MECOM: variants seen among roughly 807,000 people sequenced by gnomAD.
MECOM encodes the protein histone-lysine N-methyltransferase MECOM.
A neutral mutation model predicts 116.3 loss-of-function variants in MECOM; 13 were observed. The observed-to-expected ratio is 0.11, with a 90% CI of 0.07 to 0.18. The LOEUF (loss-of-function observed/expected upper bound fraction) is 0.18, where lower values mean the gene tolerates loss of function less well. MECOM is among the 10% of genes least tolerant of loss of function. MECOM has a pLI of 1.00. For missense variants in MECOM, 1,299 were observed against 1,509.0 expected, an observed-to-expected ratio of 0.86 and a Z score of 2.31; for synonymous variants, 528 against 535.2, an observed-to-expected ratio of 0.99 and a Z score of 0.19.
intron 1 of MECOM, among the ~76,000 whole-genome samples, chr3:169,483,336 G>A (rs1751662650): frequency 6.7e-6 from 1 of 149,102 alleles, no homozygotes; most frequent in African/African-American, 2.5e-5. Flanking sequence ...ATTGAGAAAA[G>A]CAACAGATAC....
intron 1 of MECOM, among the ~76,000 whole-genome samples, chr3:169,501,460 T>C (rs1207632068): frequency 6.6e-6 from 1 of 152,000 alleles, no homozygotes; most frequent in Non-Finnish European, 1.5e-5. Context: ...TCTTTATCAA[T>C]TAAAAACAAA....
In MECOM at chr3:169,333,895, T is replaced by TCCTC. The variant is rs1185717730; in HGVS notation, c.375+47288_375+47291dup. Among the ~76,000 whole-genome samples, 7 of 148,174 alleles carry TCCTC rather than the reference T, an allele frequency of 4.7e-5. No individual in the cohort carries two copies. In the South Asian group the frequency reaches 1.1e-3, roughly 24 times the overall value. On this transcript the variant is annotated intron_variant, in intron 2 of 16. Transcript: ENST00000651503. The stretch of plus-strand genomic sequence containing the variant: ...TTCCTTCTCTCCTTCCTTCCTTCCT[T>TCCTC]CCTCCCTCCCTCCCTCCCTTCCTTC...
chr3:169,285,187 G>A lies in MECOM; in HGVS notation c.375+96000C>T, dbSNP rs143390693. 2.8e-3 allele frequency among the ~76,000 whole-genome samples: 421 copies of A among 152,308 alleles called. 1 individual carries two copies. Among genetic ancestry groups the A allele is most frequent in the African/African-American group, 9.5e-3 (395 of 41,552 alleles). ...GGAGGCTTCTGGGCCATTATGAAAA[G>A]TGTTTGTAGAGCCGTGTCTGTGCCA... is the stretch of plus-strand genomic sequence containing the variant. On this transcript the variant is annotated intron_variant, in intron 2 of 16. Coordinates refer to ENST00000651503, the MANE Select transcript of MECOM (RefSeq NM_004991.4).
At chr3:169,118,865 G>C (rs1577019930) in intron 7 of MECOM, among the ~76,000 whole-genome samples, 1 of 152,194 alleles carries the variant, frequency 6.6e-6, no homozygotes, top group East Asian at 1.9e-4. Context: ...TTCTTAGGCA[G>C]AGGCTTTGTT....
chr3:169,381,630 G>T, intron 1 of MECOM, 106 bp from the exon 2 acceptor site: 2 of 853,070 alleles, frequency 2.3e-6, no homozygotes, highest in Non-Finnish European at 3.5e-6. Flanking sequence ...AAACAGGAAA[G>T]ACCATTGTTA....
intron 1 of MECOM, among the ~76,000 whole-genome samples, chr3:169,522,410 C>T (rs1277744765): frequency 6.6e-6 from 1 of 152,106 alleles, no homozygotes; most frequent in African/African-American, 2.4e-5. Flanking sequence ...TAATATGAAT[C>T]CTCAGTCTAT....
intron 2 of MECOM, among the ~76,000 whole-genome samples, chr3:169,366,767 T>C (rs1729233565): frequency 6.6e-6 from 1 of 152,114 alleles, no homozygotes; most frequent in East Asian, 1.9e-4. Context: ...TGCCATGCCA[T>C]GCACACCTGG....
At chr3:169,134,236 C>T (rs1735685986) in intron 3 of MECOM, among the ~76,000 whole-genome samples, 1 of 152,162 alleles carries the variant, frequency 6.6e-6, no homozygotes, top group South Asian at 2.1e-4. Flanking sequence ...TTGATGGATA[C>T]ACTGTAACTA....
chr3:169,208,799 T>C (rs1036241752), intron 2 of MECOM, among the ~76,000 whole-genome samples: 11 of 151,280 alleles, frequency 7.3e-5, no homozygotes, highest in African/African-American at 2.2e-4. Context: ...TCTATTCCCA[T>C]CAAACTACAT....
At chr3:169,363,161 T>C (rs1046634376) in intron 2 of MECOM, among the ~76,000 whole-genome samples, 29 of 151,946 alleles carry the variant, frequency 1.9e-4, no homozygotes, top group African/African-American at 6.0e-4. Flanking sequence ...TTTTCCCTCC[T>C]GTCCTTTGCT....
At chr3:169,112,271 G>A (rs1484423212) in intron 9 of MECOM, among the ~76,000 whole-genome samples, 1 of 152,180 alleles carries the variant, frequency 6.6e-6, no homozygotes, top group Non-Finnish European at 1.5e-5. Context: ...AAATAGCACT[G>A]TGCATTGTGG....
intron 1 of MECOM, among the ~76,000 whole-genome samples, chr3:169,484,529 A>G (rs1289833801): frequency 2.6e-5 from 4 of 152,218 alleles, no homozygotes; most frequent in African/African-American, 9.6e-5. Flanking sequence ...TAAATATTCT[A>G]GTTTTCCATT....
Position 169,567,524 on chromosome 3 carries a change from G to A in MECOM, c.37+95812C>T, listed in dbSNP as rs148651282. Among the ~76,000 whole-genome samples the A allele has an allele frequency of 8.5e-3, 1,287 of 152,246 alleles. 22 individuals are homozygous for A. Among genetic ancestry groups the A allele is most frequent in the Non-Finnish European group, 7.5e-3 (507 of 68,018 alleles). ...TGAATAGGAGAAAACAGGGAGTAAAGCAACCCAATCCTTATAGAATGTCAG... is the reference window on the plus strand; with the variant it reads ...TGAATAGGAGAAAACAGGGAGTAAAACAACCCAATCCTTATAGAATGTCAG... On this transcript the variant is annotated intron_variant, in intron 1 of 16. Transcript: ENST00000651503.
chr3:169,401,588 T>C (rs1453749012), intron 1 of MECOM, among the ~76,000 whole-genome samples: 1 of 152,108 alleles, frequency 6.6e-6, no homozygotes, highest in African/African-American at 2.4e-5. Flanking sequence ...AGAGAGGGAA[T>C]TAATTCTGTC....
intron 2 of MECOM, chr3:169,144,993 T>A: frequency 6.4e-7 from 1 of 1,562,648 alleles, no homozygotes; most frequent in Non-Finnish European, 8.7e-7. Context: ...AGTCATTAAC[T>A]CACCATATAC....
chr3:169,312,954 A>C (rs1719081678), intron 2 of MECOM, among the ~76,000 whole-genome samples: 1 of 152,154 alleles, frequency 6.6e-6, no homozygotes, highest in Admixed American at 6.5e-5. Flanking sequence ...CTGGAGAATG[A>C]GCATGAAGAG....
intron 2 of MECOM, among the ~76,000 whole-genome samples, chr3:169,287,490 G>A (rs1186470642): frequency 6.6e-6 from 1 of 152,028 alleles, no homozygotes; most frequent in Non-Finnish European, 1.5e-5. Context: ...ATGGCTTGAT[G>A]TTATTAAAAA....
chr3:169,457,368 G>A (rs903101450), intron 1 of MECOM, among the ~76,000 whole-genome samples: 18 of 152,084 alleles, frequency 1.2e-4, no homozygotes, highest in African/African-American at 1.7e-4. Flanking sequence ...TCAGAAACTC[G>A]GCCAAAGGAT....
intron 2 of MECOM, among the ~76,000 whole-genome samples, chr3:169,206,647 G>T (rs1381989629): frequency 6.6e-6 from 1 of 151,812 alleles, no homozygotes; most frequent in Non-Finnish European, 1.5e-5. Flanking sequence ...CAGCTGCTCA[G>T]GAGGCTGAAG....
Sources: gnomAD v4.1 joint callset for allele counts (sites outside exome capture counted in the v4.1 genomes callset) on GRCh38, gnomAD v4.1.1 for gene constraint, MANE v1.5 for transcripts, NCBI Gene and HGNC (gene_info 2026-07-23, HGNC 2026-07-21) for gene names.